The following PPP1R26 variants were observed in gnomAD, a reference collection of about 807,000 sequenced individuals.
PPP1R26 encodes the protein protein phosphatase 1 regulatory subunit 26.
PPP1R26 carries 22 observed loss-of-function variants against 67.6 expected under a neutral mutation model. The observed-to-expected ratio is 0.33, with a 90% CI of 0.23 to 0.46. PPP1R26 has a LOEUF of 0.46. Ranked by LOEUF, PPP1R26 falls within the 20% of genes least tolerant of loss-of-function variation. The pLI, the probability that PPP1R26 is intolerant of heterozygous loss-of-function variation, is 1.00. For missense variants in PPP1R26, 1,602 were observed against 1,651.4 expected, an observed-to-expected ratio of 0.97 and a Z score of 0.52; for synonymous variants, 729 against 717.2, an observed-to-expected ratio of 1.02 and a Z score of -0.26.
chr9:135,484,961 G>A lies in PPP1R26; in HGVS notation c.451G>A (p.Gly151Arg), dbSNP rs757134095. Residue 151 changes from glycine to arginine, a missense_variant, in exon 4 of 4, where the codon GGG becomes AGG. Physicochemically the swap from Gly to Arg is moderately radical, Grantham distance 125. Around this residue, in one of 5 missense-constraint regions of PPP1R26, gnomAD observed 680 missense variants for 726.1 expected, o/e 0.94. Coordinates refer to ENST00000356818, the MANE Select transcript of PPP1R26 (RefSeq NM_014811.5). The stretch of plus-strand genomic sequence containing the variant: ...GGCAAAGAGTGGAGCCGCACAGCCC[G>A]GGGCCGGCGGGGCCCAGCCAGGTGC... ...LKAKSGAAQP[G>R]AGGAQPGAAQ... is the part of the protein sequence containing the mutation. 19 of 1,577,090 alleles carry A rather than the reference G, an allele frequency of 1.2e-5. No homozygotes were observed. Among genetic ancestry groups the A allele is most frequent in the South Asian group, 5.9e-5 (5 of 84,690 alleles).
chr9:135,488,135 G>A lies in PPP1R26; in HGVS notation c.3625G>A (p.Val1209Ile), dbSNP rs2119329885. Reference sequence around the variant, plus strand: ...CAGTGGCGGCAGCTCAGTAGTGAAGGTCTAAGCCCTCGAGCTGTGGGTTCG... The same window carrying A: ...CAGTGGCGGCAGCTCAGTAGTGAAGATCTAAGCCCTCGAGCTGTGGGTTCG... ...EDSGGSSVVK[V>I] Residue 1209 changes from valine (V) to isoleucine (I), a missense_variant, in exon 4 of 4, where the codon GTC becomes ATC. Coordinates refer to ENST00000356818, the MANE Select transcript of PPP1R26 (RefSeq NM_014811.5). 1.3e-6 allele frequency: 2 copies of A among 1,508,992 alleles called. No individual in the cohort carries two copies. Among genetic ancestry groups the A allele is most frequent in the African/African-American group, 1.4e-5 (1 of 71,704 alleles). 93.5% of individuals were successfully genotyped at this position (1,508,992 alleles called of 1,614,324 possible).
intron 3 of PPP1R26, 169 bp from the exon 4 acceptor site, chr9:135,484,280 A>C: frequency 1.8e-6 from 1 of 543,992 alleles, no homozygotes; most frequent in South Asian, 2.8e-5. Flanking sequence ...CCGAGGCCCC[A>C]GGAGCATGAG....
Position 135,485,818 on chromosome 9 carries a change from T to C in PPP1R26, c.1308T>C (p.Pro436=). 6.2e-7 allele frequency: 1 copy of C among 1,612,674 alleles called. No homozygotes were observed. The highest frequency in any genetic ancestry group is 8.5e-7 in the Non-Finnish European group (1 of 1,179,870). Reference sequence around the variant, plus strand: ...TAGTGGCCACCAAGACCATGGACCCTGGTCCAGGGGGCCTGGACACTGACC... The same window carrying C: ...TAGTGGCCACCAAGACCATGGACCCCGGTCCAGGGGGCCTGGACACTGACC... ...KKLVATKTMD[P]GPGGLDTDHA... is the part of the protein sequence containing the mutation. Residue 436 remains proline (P), a synonymous_variant, in exon 4 of 4, where the codon CCT becomes CCC. Coordinates refer to ENST00000356818, the MANE Select transcript of PPP1R26 (RefSeq NM_014811.5). This position sits in a 1 kb window ranked among gnomAD's most constrained non-coding sequence, Gnocchi z 7.2.
rs780710115 is a variant in PPP1R26 at position 135,485,276 on chromosome 9, A to G, written c.766A>G (p.Asn256Asp). 1.1e-5 allele frequency: 17 copies of G among 1,612,956 alleles called. No homozygotes were observed. Among genetic ancestry groups the G allele is most frequent in the South Asian group, 3.3e-5 (3 of 91,074 alleles). ...DGSVEKKPDT[N>D]ENSAKSLLKS... ...GTCAGTGGAGAAGAAACCAGACACA[A>G]ATGAAAATTCCGCCAAGTCACTCTT... Residue 256 changes from asparagine to aspartate, a missense_variant, in exon 4 of 4, where the codon AAT becomes GAT. By Grantham distance (23) the Asn-to-Asp change is conservative (BLOSUM62 1). Transcript: ENST00000356818. The surrounding 1 kb of genome is among the most constrained non-coding windows in gnomAD (Gnocchi z 7.2).
Position 135,484,065 on chromosome 9 carries a change from C to T in PPP1R26, c.-80C>T, listed in dbSNP as rs1037633028. 1.2e-5 allele frequency: 5 copies of T among 407,672 alleles called. No individual in the cohort carries two copies. Among genetic ancestry groups the T allele is most frequent in the African/African-American group, 8.2e-5 (4 of 48,692 alleles). 25.3% of individuals were successfully genotyped at this position (407,672 alleles called of 1,614,324 possible). A position where few individuals can be genotyped will look rare whatever the true frequency, so the allele number is the denominator to read the frequency against. ...TTTGCAGACGTTGTCTCATGGGTAC[C>T]GCTTGCCAACTTTGGAGGTAAATAA... On this transcript the variant is annotated 5_prime_UTR_variant, in exon 3 of 4. Coordinates refer to ENST00000356818, the MANE Select transcript of PPP1R26 (RefSeq NM_014811.5).
rs1444707159 is a variant in PPP1R26, at chr9:135,488,566, C to G, written c.*426C>G. ...GTAGCCTGAGGAAGGCCAAGCTGCC[C>G]TCCCTGGGAATCACTCAGATGCCCC... On this transcript the variant is annotated 3_prime_UTR_variant, in exon 4 of 4. Coordinates refer to ENST00000356818, the MANE Select transcript of PPP1R26 (RefSeq NM_014811.5). The G allele has an allele frequency of 5.9e-6, 1 of 168,180 alleles. No individual in the cohort carries two copies. Among genetic ancestry groups the G allele is most frequent in the Non-Finnish European group, 1.4e-5 (1 of 68,978 alleles). The allele number at this position is 168,180 out of a possible 1,614,324, so 10.4% of individuals were successfully genotyped here.
chr9:135,487,608 A>G lies in PPP1R26; in HGVS notation c.3098A>G (p.Gln1033Arg), dbSNP rs750125500. 1.3e-6 allele frequency: 2 copies of G among 1,489,534 alleles called. No homozygotes were observed. Among genetic ancestry groups the G allele is most frequent in the Admixed American group, 2.4e-5 (1 of 41,852 alleles). The allele number at this position is 1,489,534 out of a possible 1,614,324, so 92.3% of individuals were successfully genotyped here. ...CCGCCCTGGAGCGACTTCGCCCACCAGAGTCGGCTGCCCAGCCCGTGGGTG... is the reference window on the plus strand; with the variant it reads ...CCGCCCTGGAGCGACTTCGCCCACCGGAGTCGGCTGCCCAGCCCGTGGGTG... ...RTPPWSDFAH[Q>R]SRLPSPWVLR... Residue 1033 changes from glutamine to arginine, a missense_variant, in exon 4 of 4, where the codon CAG becomes CGG. Around this residue, in one of 5 missense-constraint regions of PPP1R26, gnomAD observed 740 missense variants for 696.3 expected, o/e 1.06. Transcript: ENST00000356818.
intron 1 of PPP1R26, 153 bp downstream of exon 1, chr9:135,480,175 C>T (rs1306255190): frequency 6.6e-6 from 1 of 151,058 alleles, no homozygotes; most frequent in Non-Finnish European, 1.5e-5. Context: ...CGGGGATCGG[C>T]GCCGGGGCTG....
In PPP1R26 at chr9:135,482,781, T is replaced by TTCA. The variant is rs1448311697; in HGVS notation, c.-226_-224dup. On this transcript the variant is annotated 5_prime_UTR_variant, in exon 2 of 4. Transcript: ENST00000356818. Reference sequence around the variant, plus strand: ...GCCGTGTGGGAACACTGGCTGCCATTTCATCACAGTCAACCTGGACTCACA... The same window carrying TTCA: ...GCCGTGTGGGAACACTGGCTGCCATTTCATCATCACAGTCAACCTGGACTCACA... 1.0e-5 allele frequency: 4 copies of TTCA among 398,412 alleles called. No individual in the cohort carries two copies. Among genetic ancestry groups the TTCA allele is most frequent in the Non-Finnish European group, 1.8e-5 (4 of 226,056 alleles). The allele number at this position is 398,412 out of a possible 1,614,324, so 24.7% of individuals were successfully genotyped here.
chr9:135,483,856 A>G (rs777168182), intron 2 of PPP1R26, 94 bp from the exon 3 acceptor site: 3 of 396,116 alleles, frequency 7.6e-6, no homozygotes, highest in Non-Finnish European at 8.9e-6. Flanking sequence ...TACATTTGAC[A>G]TTTAACATAG....
chr9:135,482,826 G>T lies in PPP1R26; in HGVS notation c.-196+11G>T. 2.5e-6 allele frequency: 1 copy of T among 398,484 alleles called. No homozygotes were observed. The highest frequency in any genetic ancestry group is 4.4e-6 in the Non-Finnish European group (1 of 225,996). The allele number at this position is 398,484 out of a possible 1,614,324, so 24.7% of individuals were successfully genotyped here. The stretch of plus-strand genomic sequence containing the variant: ...CTCACAGAATTTCAAGTAATTTCAA[G>T]TAATTCTTGTATTTTAGTTTCCCTT... On this transcript the variant is annotated intron_variant, in intron 2 of 3. Transcript: ENST00000356818.
chr9:135,481,038 T>C (rs187853647), intron 1 of PPP1R26, among the ~76,000 whole-genome samples: 30 of 152,192 alleles, frequency 2.0e-4, no homozygotes, highest in Admixed American at 1.4e-3. Context: ...CTCCAGAAGG[T>C]TGATGTCTGG....
rs372323498 is a variant in PPP1R26, at chr9:135,485,012, G to C, written c.502G>C (p.Gly168Arg). The change falls in exon 4 of 4, where the codon GGA (glycine) becomes CGA (arginine). Residue 168 changes from glycine to arginine, a missense_variant. Gly to Arg is a moderately radical substitution (Grantham distance 125, BLOSUM62 -2). Transcript: ENST00000356818. This position sits in a 1 kb window ranked among gnomAD's most constrained non-coding sequence, Gnocchi z 7.2. ...AGCCCAGCCTTCCAGGGCCGCAGGC[G>C]GAGGCAGTAGATGTAAGCCGGAACC... is the stretch of plus-strand genomic sequence containing the variant. ...GAAQPSRAAG[G>R]GSRCKPEPAH... 1.3e-5 allele frequency: 20 copies of C among 1,588,952 alleles called. No homozygotes were observed. Among genetic ancestry groups the C allele is most frequent in the Non-Finnish European group, 1.7e-5 (20 of 1,168,484 alleles).
Position 135,486,075 on chromosome 9 carries a change from A to G in PPP1R26, c.1565A>G (p.Asp522Gly). 1.2e-6 allele frequency: 2 copies of G among 1,612,978 alleles called. No homozygotes were observed. The highest frequency in any genetic ancestry group is 1.7e-6 in the Non-Finnish European group (2 of 1,180,026). ...FYSPNVPSRSDGDSSSVDSDD... is the reference protein window; with the variant it reads ...FYSPNVPSRSGGDSSSVDSDD... ...TCCCCGAACGTGCCTTCCCGCTCTG[A>G]CGGCGACAGTAGCTCCGTGGACAGC... The change falls in exon 4 of 4, where the codon GAC becomes GGC. Residue 522 changes from aspartate to glycine, a missense_variant. This residue lies in a region of PPP1R26 where 680 missense variants were observed against 726.1 expected (regional missense o/e 0.94). Coordinates refer to ENST00000356818, the MANE Select transcript of PPP1R26 (RefSeq NM_014811.5). This position sits in a 1 kb window ranked among gnomAD's most constrained non-coding sequence, Gnocchi z 6.2.
In PPP1R26 at chr9:135,487,657, A is replaced by C; in HGVS notation, c.3147A>C (p.Ala1049=). 1.4e-6 allele frequency: 2 copies of C among 1,469,388 alleles called. No individual in the cohort carries two copies. Among genetic ancestry groups the C allele is most frequent in the Non-Finnish European group, 1.8e-6 (2 of 1,110,422 alleles). The allele number at this position is 1,469,388 out of a possible 1,614,324, so 91.0% of individuals were successfully genotyped here. ...TGCTGCGCTCCGAAGGCAGAGATGC[A>C]GTGTGGAGGGGGGGCGTCGGGAGCG... ...PWVLRSEGRD[A]VWRGGVGSER... is the part of the protein sequence containing the mutation. Residue 1049 remains alanine, a synonymous_variant, in exon 4 of 4, where the codon GCA becomes GCC. Transcript: ENST00000356818.
rs893485660 is a variant in PPP1R26 at position 135,482,779 on chromosome 9, A to G, written c.-232A>G. On this transcript the variant is annotated 5_prime_UTR_variant, in exon 2 of 4. Coordinates refer to ENST00000356818, the MANE Select transcript of PPP1R26 (RefSeq NM_014811.5). ...GGGCCGTGTGGGAACACTGGCTGCCATTTCATCACAGTCAACCTGGACTCA... is the reference window on the plus strand; with the variant it reads ...GGGCCGTGTGGGAACACTGGCTGCCGTTTCATCACAGTCAACCTGGACTCA... The G allele has an allele frequency of 4.8e-5, 19 of 398,462 alleles. No homozygotes were observed. The highest frequency in any genetic ancestry group is 4.4e-5 in the Admixed American group (1 of 22,708). The allele number at this position is 398,462 out of a possible 1,614,324, so 24.7% of individuals were successfully genotyped here. A position where few individuals can be genotyped will look rare whatever the true frequency, so the allele number is the denominator to read the frequency against.
rs1368987517 is a variant in PPP1R26, at chr9:135,486,223, C to A, written c.1713C>A (p.Leu571=). 1 of 1,612,868 alleles carries A rather than the reference C, an allele frequency of 6.2e-7. No individual in the cohort carries two copies. The highest frequency in any genetic ancestry group is 8.5e-7 in the Non-Finnish European group (1 of 1,180,052). Residue 571 remains leucine (L), a synonymous_variant, in exon 4 of 4, where the codon CTC becomes CTA. Coordinates refer to ENST00000356818, the MANE Select transcript of PPP1R26 (RefSeq NM_014811.5). The surrounding 1 kb of genome is among the most constrained non-coding windows in gnomAD (Gnocchi z 6.2). ...AGGGTCCACTTTTGCCGCCTGGCCT[C>A]AACAGCCAGACCGGCGGCCACAAGA... ...AAQGPLLPPG[L]NSQTGGHKTP... is the part of the protein sequence containing the mutation.
At chr9:135,481,819 A>G (rs1337625619) in intron 1 of PPP1R26, among the ~76,000 whole-genome samples, 2 of 151,556 alleles carry the variant, frequency 1.3e-5, no homozygotes, top group African/African-American at 4.9e-5. Flanking sequence ...GGGTTTCACC[A>G]TATTGGCCAG....
Position 135,487,613 on chromosome 9 carries a change from C to T in PPP1R26, c.3103C>T (p.Arg1035Trp), listed in dbSNP as rs1294885596. The T allele has an allele frequency of 3.4e-6, 5 of 1,487,206 alleles. No homozygotes were observed. Among genetic ancestry groups the T allele is most frequent in the Non-Finnish European group, 4.5e-6 (5 of 1,117,538 alleles). The allele number at this position is 1,487,206 out of a possible 1,614,324, so 92.1% of individuals were successfully genotyped here. Residue 1035 changes from arginine to tryptophan, a missense_variant, in exon 4 of 4, where the codon CGG becomes TGG. Arg to Trp is a moderately radical substitution (Grantham distance 101). Coordinates refer to ENST00000356818, the MANE Select transcript of PPP1R26 (RefSeq NM_014811.5). The part of the protein sequence containing the change: ...PPWSDFAHQS[R>W]LPSPWVLRSE... ...CTGGAGCGACTTCGCCCACCAGAGT[C>T]GGCTGCCCAGCCCGTGGGTGCTGCG...
Sources: gnomAD v4.1 joint callset for allele counts (sites outside exome capture counted in the v4.1 genomes callset) on GRCh38, gnomAD v4.1.1 for gene constraint, gnomAD v4.1.1 regional missense constraint, Gnocchi (gnomAD v3.1) non-coding constraint, MANE v1.5 for transcripts, NCBI Gene and HGNC (gene_info 2026-07-23, HGNC 2026-07-21) for gene names.